The following STK32B variants were observed in gnomAD, a reference collection of about 807,000 sequenced individuals.
STK32B encodes the protein serine/threonine kinase 32B, also known as serine/threonine-protein kinase 32B.
In STK32B, 43 loss-of-function variants were observed where a neutral mutation model predicts 52.6. The ratio of observed to expected loss-of-function variants is 0.82; its 90% CI spans 0.64 to 1.05. The LOEUF is 1.05. STK32B is among the 50% of genes least tolerant of loss of function. The pLI is 0.00. For synonymous variants in STK32B, 238 were observed against 204.3 expected (o/e 1.17, Z -1.41); for missense variants, 621 against 534.6 (o/e 1.16, Z -1.59).
At chr4:5,404,346 C>T (rs1054348168) in intron 5 of STK32B, among the ~76,000 whole-genome samples, 1 of 152,048 alleles carries the variant, frequency 6.6e-6, no homozygotes, top group Non-Finnish European at 1.5e-5. Flanking sequence ...TGGCATTTTC[C>T]CTGTGTGCGT....
At chr4:5,356,869 A>C (rs1408634899) in intron 4 of STK32B, among the ~76,000 whole-genome samples, 1 of 152,094 alleles carries the variant, frequency 6.6e-6, no homozygotes, top group Non-Finnish European at 1.5e-5. Context: ...GTGGTGGCAC[A>C]CACCTGTAGT....
At chr4:5,365,271 T>C (rs144097776) in intron 4 of STK32B, among the ~76,000 whole-genome samples, 2,254 of 152,340 alleles carry the variant, frequency 0.015, 21 homozygotes, top group Middle Eastern at 0.024. Flanking sequence ...GGCATACTTC[T>C]GTAATAGAAA....
chr4:5,445,890 T>A (rs930802702), intron 6 of STK32B, among the ~76,000 whole-genome samples: 5 of 151,868 alleles, frequency 3.3e-5, no homozygotes, highest in Non-Finnish European at 7.4e-5. Flanking sequence ...TTACTCATTG[T>A]GGGTATTTCA....
At position 5,499,214 on chromosome 4, in the gene STK32B, AG is replaced by A; in HGVS notation, c.*132del. The A allele has an allele frequency of 2.3e-6, 3 of 1,311,400 alleles. No homozygotes were observed. Among genetic ancestry groups the A allele is most frequent in the Non-Finnish European group, 3.0e-6 (3 of 991,366 alleles). 81.2% of individuals were successfully genotyped at this position (1,311,400 alleles called of 1,614,324 possible). ...GATGCAGAAAAAGCCCTGGACTTGG[AG>A]CTGGGAAGCCTGGGTTCTGGTCCCA... On this transcript the variant is annotated 3_prime_UTR_variant, in exon 12 of 12. Coordinates refer to ENST00000282908, the MANE Select transcript of STK32B (RefSeq NM_018401.3).
intron 6 of STK32B, among the ~76,000 whole-genome samples, chr4:5,445,505 C>G (rs932783412): frequency 5.3e-5 from 8 of 152,098 alleles, no homozygotes; most frequent in Admixed American, 3.9e-4. Context: ...CACTCCGGGC[C>G]TAGTGAGGTG....
chr4:5,308,931 A>G (rs28621484), intron 3 of STK32B, among the ~76,000 whole-genome samples: 11,091 of 152,122 alleles, frequency 0.073, 435 homozygotes, highest in South Asian at 0.097. Context: ...AATAAAGGGC[A>G]TCCAAATTGA....
chr4:5,473,961 A>G (rs547585157), intron 11 of STK32B, among the ~76,000 whole-genome samples: 1 of 152,204 alleles, frequency 6.6e-6, no homozygotes, highest in African/African-American at 2.4e-5. Flanking sequence ...GTAAAATACA[A>G]AAATTAGTCT....
At chr4:5,232,105 A>G (rs1443618209) in intron 3 of STK32B, among the ~76,000 whole-genome samples, 1 of 152,158 alleles carries the variant, frequency 6.6e-6, no homozygotes, top group Non-Finnish European at 1.5e-5. Flanking sequence ...CAGCCCAGAC[A>G]TTTCTAAACA....
chr4:5,460,137 G>A lies in STK32B; in HGVS notation c.818G>A (p.Ser273Asn). 6.2e-7 allele frequency: 1 copy of A among 1,614,198 alleles called. No individual in the cohort carries two copies. Among genetic ancestry groups the A allele is most frequent in the Non-Finnish European group, 8.5e-7 (1 of 1,180,052 alleles). Residue 273 changes from serine (S) to asparagine (N), a missense_variant, in exon 9 of 12, where the codon AGC becomes AAC. Ser to Asn is a conservative substitution (Grantham distance 46, BLOSUM62 1). Coordinates refer to ENST00000282908, the MANE Select transcript of STK32B (RefSeq NM_018401.3). This position sits in a 1 kb window ranked among gnomAD's most constrained non-coding sequence, Gnocchi z 4.8. ...AAGGATCCTGAGAGCCGCGTGTCCA[G>A]CCTTCATGACATACAGAGCGTGCCC... is the stretch of plus-strand genomic sequence containing the variant. ...LTKDPESRVS[S>N]LHDIQSVPYL...
At chr4:5,104,215 C>T (rs1713977927) in intron 1 of STK32B, among the ~76,000 whole-genome samples, 2 of 152,098 alleles carry the variant, frequency 1.3e-5, no homozygotes, top group African/African-American at 4.8e-5. Context: ...ATACTGTTCT[C>T]ATGATAGTGA....
In STK32B at chr4:5,315,682, CT is replaced by C. The variant is rs199584251; in HGVS notation, c.261-15523del. ...TTGAGTATTTTTTCTTTTTCTTTTT[CT>C]TTTTTTTTTTTTTTGAGACGGAGTT... On this transcript the variant is annotated intron_variant, in intron 3 of 11. Coordinates refer to ENST00000282908, the MANE Select transcript of STK32B (RefSeq NM_018401.3). Among the ~76,000 whole-genome samples the C allele has an allele frequency of 3.1e-3, 373 of 120,460 alleles. 2 individuals carry two copies. Among genetic ancestry groups the C allele is most frequent in the Non-Finnish European group, 3.7e-3 (204 of 54,492 alleles). 79.0% of individuals were successfully genotyped at this position (120,460 alleles called of 152,430 possible). A position where few individuals can be genotyped will look rare whatever the true frequency, so the allele number is the denominator to read the frequency against.
At chr4:5,031,918 C>G in the STK32B span, among the ~76,000 whole-genome samples, 1 of 152,150 alleles carries the variant, frequency 6.6e-6, no homozygotes, top group Non-Finnish European at 1.5e-5. Context: ...AGATCTGTGT[C>G]TATAGAGCAC....
intron 5 of STK32B, among the ~76,000 whole-genome samples, chr4:5,403,988 G>A (rs1577451664): frequency 6.6e-6 from 1 of 151,562 alleles, no homozygotes; most frequent in Non-Finnish European, 1.5e-5. Flanking sequence ...ACGTGTCCTG[G>A]GGAAGATTGT....
intron 5 of STK32B, 62 bp from the exon 6 acceptor site, chr4:5,416,783 C>A: frequency 6.7e-7 from 1 of 1,482,604 alleles, no homozygotes; most frequent in South Asian, 1.2e-5. Context: ...CAAACCACAG[C>A]TTTAAATAAC....
rs369955393 is a variant in STK32B at position 5,081,075 on chromosome 4, G to A, written c.52+29160G>A. ...TTTGTCTTTCTGTGTCTGGCTTACT[G>A]CATTTAGCATAATGTCCATCAGTTT... On this transcript the variant is annotated intron_variant, in intron 1 of 11. Transcript: ENST00000282908. Among the ~76,000 whole-genome samples the A allele has an allele frequency of 1.6e-4, 24 of 151,896 alleles. No individual in the cohort carries two copies. In the South Asian group the frequency reaches 3.3e-3, roughly 21 times the overall value.
intron 3 of STK32B, among the ~76,000 whole-genome samples, chr4:5,280,832 G>C (rs1036001375): frequency 2.0e-5 from 3 of 152,170 alleles, no homozygotes; most frequent in Admixed American, 6.5e-5. Flanking sequence ...CCAGAAGGCA[G>C]AGGTTGCAGT....
chr4:5,209,313 A>G (rs2108784209), intron 3 of STK32B, among the ~76,000 whole-genome samples: 1 of 152,270 alleles, frequency 6.6e-6, no homozygotes, highest in South Asian at 2.1e-4. Flanking sequence ...CCTCAAAATC[A>G]CAGGTTCAAG....
At chr4:5,316,356 TTA>T (rs1177929072) in intron 3 of STK32B, among the ~76,000 whole-genome samples, 5 of 41,180 alleles carry the variant, frequency 1.2e-4, no homozygotes, top group African/African-American at 6.2e-4. Flanking sequence ...ATATCATATA[TTA>T]TATATATTAT....
intron 11 of STK32B, 37 bp downstream of exon 11, chr4:5,468,107 G>C: frequency 6.2e-7 from 1 of 1,608,534 alleles, no homozygotes; most frequent in South Asian, 1.1e-5. Flanking sequence ...GGCAAAGCCT[G>C]TCCTAAGTGA....
Sources: allele counts gnomAD v4.1 joint callset (sites outside exome capture counted in the v4.1 genomes callset), GRCh38; gene constraint gnomAD v4.1.1; non-coding constraint Gnocchi (gnomAD v3.1); transcripts MANE v1.5; gene names NCBI Gene and HGNC (gene_info 2026-07-23, HGNC 2026-07-21).